The following SPG7 variants were observed in gnomAD, a reference collection of about 807,000 sequenced individuals.
The protein encoded by SPG7 is SPG7 matrix AAA peptidase subunit, paraplegin, also known as mitochondrial inner membrane m-AAA protease component paraplegin.
SPG7 carries 103 observed loss-of-function variants against 81.9 expected under a neutral mutation model. The ratio of observed to expected loss-of-function variants is 1.26; its 90% confidence interval spans 1.07 to 1.48. The LOEUF is 1.48. Ranked by LOEUF, SPG7 falls within the 40% of genes most tolerant of loss-of-function variation. SPG7 has a pLI of 0.00. For synonymous variants in SPG7, 534 were observed against 444.2 expected (o/e 1.20, Z -2.54); for missense variants, 1,241 against 1,087.3 (o/e 1.14, Z -1.99).
chr16:89,542,965 T>G (rs1386257719), intron 9 of SPG7: 5 of 92,182 alleles, frequency 5.4e-5, no homozygotes, highest in Non-Finnish European at 6.9e-5. Flanking sequence ...TTTTTTTTTT[T>G]GAGACGGAGT....
rs1454121624 is a variant in SPG7, at chr16:89,512,978, T to A, written c.317T>A (p.Leu106Ter). 6.2e-7 allele frequency: 1 copy of A among 1,613,398 alleles called. No homozygotes were observed. Among genetic ancestry groups the A allele is most frequent in the Non-Finnish European group, 8.5e-7 (1 of 1,179,538 alleles). Residue 106 changes from leucine (L) to a stop codon, truncating the protein, a stop_gained, in exon 3 of 17, where the codon TTG becomes TAG. Coordinates refer to ENST00000645818, the MANE Select transcript of SPG7 (RefSeq NM_003119.4). LOFTEE classifies it high-confidence loss of function. ...ACTTTCTATTTTAACACCTCAAGGT[T>A]GAAGCAGAAGAATAAGGAGAAGGAT... ...GGTFYFNTSR[L>*]KQKNKEKDKS...
chr16:89,551,078 C>T (rs956329382), intron 13 of SPG7: 1 of 227,578 alleles, frequency 4.4e-6, no homozygotes, highest in Non-Finnish European at 9.0e-6. Context: ...AACAAACAAA[C>T]AAAAAACTAC....
chr16:89,537,767 T>C (rs574730911), intron 9 of SPG7: 36 of 985,402 alleles, frequency 3.7e-5, no homozygotes, highest in Middle Eastern at 1.0e-3. Flanking sequence ...AGGCTCCCAG[T>C]GTCTGGGCAG....
intron 11 of SPG7, chr16:89,546,981 C>T (rs560831356): frequency 1.7e-5 from 9 of 535,562 alleles, no homozygotes; most frequent in South Asian, 3.8e-5. Flanking sequence ...GAAAAGCAGA[C>T]GGTGGTTCCC....
chr16:89,533,226 G>A (rs1167868819), intron 9 of SPG7: 1 of 155,476 alleles, frequency 6.4e-6, no homozygotes, highest in Non-Finnish European at 1.4e-5. Context: ...GGAGCGCAGT[G>A]GCACAATCTT....
chr16:89,513,274 C>T (rs2058046633), intron 3 of SPG7, among the ~76,000 whole-genome samples: 1 of 152,148 alleles, frequency 6.6e-6, no homozygotes, highest in African/African-American at 2.4e-5. Flanking sequence ...GTGGCTCACA[C>T]CTGTAATCCC....
intron 2 of SPG7, among the ~76,000 whole-genome samples, chr16:89,512,217 A>T (rs1327601724): frequency 6.6e-6 from 1 of 150,768 alleles, no homozygotes; most frequent in Non-Finnish European, 1.5e-5. Flanking sequence ...GGCCTCCCCC[A>T]TTTGTAAACG....
At chr16:89,531,114 G>A (rs1370367581) in intron 7 of SPG7, 4 of 479,046 alleles carry the variant, frequency 8.3e-6, no homozygotes, top group East Asian at 4.0e-5. Context: ...AAACACCTTA[G>A]CCAGTTGGTG....
intron 2 of SPG7, among the ~76,000 whole-genome samples, chr16:89,511,064 C>T (rs914307784): frequency 3.3e-5 from 5 of 152,126 alleles, no homozygotes; most frequent in Admixed American, 2.6e-4. Flanking sequence ...TCTTAAACTC[C>T]TGGACTCAAG....
Position 89,508,534 on chromosome 16 carries a change from G to A in SPG7, c.117G>A (p.Arg39=). The A allele has an allele frequency of 6.6e-7, 1 of 1,512,620 alleles. No individual in the cohort carries two copies. Among genetic ancestry groups the A allele is most frequent in the Non-Finnish European group, 8.8e-7 (1 of 1,135,994 alleles). The allele number at this position is 1,512,620 out of a possible 1,614,324, so 93.7% of individuals were successfully genotyped here. A position where few individuals can be genotyped will look rare whatever the true frequency, so the allele number is the denominator to read the frequency against. The change falls in exon 1 of 17, where the codon AGG becomes AGA. Residue 39 remains arginine (R), a synonymous_variant. Coordinates refer to ENST00000645818, the MANE Select transcript of SPG7 (RefSeq NM_003119.4). ...CAGGGTTCCCCGCCAGGCCCGGGAG[G>A]GGGCGGCCGTACATGGCCAGCAGGC... The part of the protein sequence containing the change: ...WSPGFPARPG[R]GRPYMASRPP...
chr16:89,524,999 A>AGGCT (rs1350684740), intron 4 of SPG7, among the ~76,000 whole-genome samples: 1 of 126,678 alleles, frequency 7.9e-6, no homozygotes, highest in Non-Finnish European at 1.6e-5. Flanking sequence ...TGTCTCATCC[A>AGGCT]GGCTGAGATG....
chr16:89,544,556 C>T, intron 9 of SPG7, 92 bp from the exon 10 acceptor site: 2 of 1,483,362 alleles, frequency 1.3e-6, no homozygotes, highest in South Asian at 1.1e-5. Context: ...GGGGGTCTCT[C>T]TCCCTCCTGT....
In SPG7 at chr16:89,524,261, CGGGAGGCCTGTGAGTGAGGGTGT is replaced by C. The variant is rs2058232611; in HGVS notation, c.618+18_618+40del. 6.2e-7 allele frequency: 1 copy of C among 1,601,424 alleles called. No individual in the cohort carries two copies. ...TTTGGGCGGCCTGTGAGTGAGGGTG[CGGGAGGCCTGTGAGTGAGGGTGT>C]GGGCACAGGCTGGCAGCCTGTGAGA... On this transcript the variant is annotated intron_variant, in intron 4 of 16. Coordinates refer to ENST00000645818, the MANE Select transcript of SPG7 (RefSeq NM_003119.4).
intron 7 of SPG7, chr16:89,531,085 G>A: frequency 1.8e-6 from 1 of 542,440 alleles, no homozygotes; most frequent in South Asian, 2.0e-5. Context: ...AAAGCTCTGT[G>A]CTTTTTCCAG....
At chr16:89,528,284 C>T (rs931551005) in intron 5 of SPG7, among the ~76,000 whole-genome samples, 17 of 151,096 alleles carry the variant, frequency 1.1e-4, no homozygotes, top group Middle Eastern at 3.4e-3. Flanking sequence ...CCCAGCTACT[C>T]GGGAGGCTGA....
At chr16:89,548,158 T>C (rs751562432) in intron 12 of SPG7, 45 bp downstream of exon 12, 1 of 1,357,984 alleles carries the variant, frequency 7.4e-7, no homozygotes, top group Non-Finnish European at 1.0e-6. Flanking sequence ...TAGCAGGGCT[T>C]GAACCCCAGA....
chr16:89,530,142 C>CT (rs1040551166), intron 6 of SPG7: 9 of 244,252 alleles, frequency 3.7e-5, no homozygotes, highest in South Asian at 1.9e-4. Flanking sequence ...CCTGGCCTTT[C>CT]TTTTTTGTGT....
In SPG7 at chr16:89,544,710, G is replaced by T. The variant is rs375418325; in HGVS notation, c.1387G>T (p.Gly463Cys). The part of the protein sequence containing the change: ...ASTNRADILD[G>C]ALMRPGRLDR... ...CACGAACCGAGCTGACATTTTGGAC[G>T]GTGCTCTGATGAGGCCAGGCCGACT... is the stretch of plus-strand genomic sequence containing the variant. Residue 463 changes from glycine to cysteine, a missense_variant, in exon 10 of 17, where the codon GGT becomes TGT. Coordinates refer to ENST00000645818, the MANE Select transcript of SPG7 (RefSeq NM_003119.4). 2 of 1,614,088 alleles carry T rather than the reference G, an allele frequency of 1.2e-6. No homozygotes were observed. The highest frequency in any genetic ancestry group is 2.2e-5 in the East Asian group (1 of 44,884).
intron 2 of SPG7, among the ~76,000 whole-genome samples, chr16:89,512,010 C>T (rs2058030076): frequency 1.3e-5 from 2 of 151,934 alleles, no homozygotes; most frequent in Non-Finnish European, 2.9e-5. Context: ...CTCCAGGATT[C>T]CCGCCATTCT....
Sources: allele counts gnomAD v4.1 joint callset (sites outside exome capture counted in the v4.1 genomes callset), GRCh38; gene constraint gnomAD v4.1.1; transcripts MANE v1.5; gene names NCBI Gene and HGNC (gene_info 2026-07-23, HGNC 2026-07-21).